Variants in AMHR2 observed in about 807,000 individuals in gnomAD.
The protein encoded by AMHR2 is anti-Mullerian hormone receptor type 2.
AMHR2 carries 36 observed loss-of-function variants against 61.4 expected under a neutral mutation model. The ratio of observed to expected loss-of-function variants is 0.59; its 90% CI spans 0.45 to 0.77. AMHR2 has a LOEUF of 0.77. AMHR2 is among the 30% of genes least tolerant of loss of function. AMHR2 has a pLI of 0.00. For synonymous variants in AMHR2, 258 were observed against 279.4 expected (o/e 0.92, Z 0.76); for missense variants, 638 against 714.6 (o/e 0.89, Z 1.22).
chr12:53,424,247 TCC>T lies in AMHR2; in HGVS notation c.50-39_50-38del, dbSNP rs763511811. The T allele has an allele frequency of 5.0e-6, 8 of 1,611,536 alleles. No individual in the cohort carries two copies. The East Asian group carries it at 1.8e-4, about 36-fold the overall frequency. ...GCCAGTTTTTTGCCTCTGCATTCAC[TCC>T]CACCTTGAATCTTTTCCTTTCCCCA... On this transcript the variant is annotated intron_variant, in intron 1 of 10. Coordinates refer to ENST00000257863, the MANE Select transcript of AMHR2 (RefSeq NM_020547.3).
At position 53,424,725 on chromosome 12, in the gene AMHR2, T is replaced by C. The variant is rs746378444; in HGVS notation, c.249T>C (p.Asp83=). Residue 83 remains aspartate (D), a synonymous_variant, in exon 3 of 11, where the codon GAT becomes GAC. Coordinates refer to ENST00000257863, the MANE Select transcript of AMHR2 (RefSeq NM_020547.3). ...QVEMQGCRDS[D]EPGCESLHCD... is the part of the protein sequence containing the mutation. ...TCCCATCAGGATGCCGAGACAGTGA[T>C]GAGCCAGGCTGTGAGTCCCTCCACT... The C allele has an allele frequency of 6.2e-7, 1 of 1,613,638 alleles. No homozygotes were observed. The highest frequency in any genetic ancestry group is 8.5e-7 in the Non-Finnish European group (1 of 1,179,830).
chr12:53,425,325 C>A, intron 4 of AMHR2, 83 bp downstream of exon 4: 1 of 1,607,344 alleles, frequency 6.2e-7, no homozygotes, highest in Non-Finnish European at 8.5e-7. Flanking sequence ...CCCCTGACCC[C>A]ATGGTCTTGG....
rs115737603 is a variant in AMHR2 at position 53,424,443 on chromosome 12, C to A, written c.205C>A (p.Gln69Lys). The change falls in exon 2 of 11, where the codon CAA (glutamine) becomes AAA (lysine). Residue 69 changes from glutamine to lysine, a missense_variant. By Grantham distance (53) the Gln-to-Lys change is moderately conservative. Coordinates refer to ENST00000257863, the MANE Select transcript of AMHR2 (RefSeq NM_020547.3). ...CTGCTTTGGGATCTGGAACCTGACCCAAGACCGGGCACAGGTGGAAATGCA... is the reference window on the plus strand; with the variant it reads ...CTGCTTTGGGATCTGGAACCTGACCAAAGACCGGGCACAGGTGGAAATGCA... Reference protein sequence around the residue: ...RCCFGIWNLTQDRAQVEMQGC... With the variant: ...RCCFGIWNLTKDRAQVEMQGC... 6.2e-7 allele frequency: 1 copy of A among 1,613,454 alleles called. No individual in the cohort carries two copies. Among genetic ancestry groups the A allele is most frequent in the Non-Finnish European group, 8.5e-7 (1 of 1,179,786 alleles).
chr12:53,427,506 A>G (rs1028842220), intron 6 of AMHR2, among the ~76,000 whole-genome samples: 1 of 152,142 alleles, frequency 6.6e-6, no homozygotes, highest in Non-Finnish European at 1.5e-5. Flanking sequence ...CCTGGTTTCA[A>G]GCAATTCTGC....
At position 53,424,132 on chromosome 12, in the gene AMHR2, T is replaced by A. The variant is rs2272002; in HGVS notation, c.49+149T>A. ...GAGCCATGTGTCCCCATGGCAGGGC[T>A]CAGGTTCCAGGCCTCTGCTGACCCT... On this transcript the variant is annotated intron_variant, in intron 1 of 10. Coordinates refer to ENST00000257863, the MANE Select transcript of AMHR2 (RefSeq NM_020547.3). 0.14 allele frequency: 176,867 copies of A among 1,305,880 alleles called. 13,239 individuals carry two copies. Among genetic ancestry groups the A allele is most frequent in the Non-Finnish European group, 0.16 (141,657 of 911,760 alleles). 80.9% of individuals were successfully genotyped at this position (1,305,880 alleles called of 1,614,324 possible).
intron 10 of AMHR2, 137 bp from the exon 11 acceptor site, chr12:53,431,040 G>T: frequency 9.0e-7 from 1 of 1,108,610 alleles, no homozygotes; most frequent in African/African-American, 1.5e-5. Flanking sequence ...TCAGCAAGAG[G>T]GAGAGGAGGG....
chr12:53,427,582 T>C (rs927910397), intron 6 of AMHR2, among the ~76,000 whole-genome samples: 1 of 152,152 alleles, frequency 6.6e-6, no homozygotes, highest in Non-Finnish European at 1.5e-5. Context: ...TTTGTATTTT[T>C]AGTAGAGACG....
chr12:53,425,834 A>G lies in AMHR2; in HGVS notation c.767A>G (p.His256Arg). ...LYELPGLQHDHIVRFITASRG... is the reference protein window; with the variant it reads ...LYELPGLQHDRIVRFITASRG... ...GAACTTCCAGGCCTACAGCACGACC[A>G]CATTGTCCGATTTATCACTGCCAGC... Residue 256 changes from histidine (H) to arginine (R), a missense_variant, in exon 6 of 11, where the codon CAC (histidine) becomes CGC (arginine). Coordinates refer to ENST00000257863, the MANE Select transcript of AMHR2 (RefSeq NM_020547.3). 28 of 1,614,070 alleles carry G rather than the reference A, an allele frequency of 1.7e-5. No homozygotes were observed. Among genetic ancestry groups the G allele is most frequent in the Non-Finnish European group, 2.4e-5 (28 of 1,180,012 alleles).
intron 7 of AMHR2, among the ~76,000 whole-genome samples, 178 bp from the exon 8 acceptor site, chr12:53,429,275 C>A (rs1361654188): frequency 6.6e-6 from 1 of 151,884 alleles, no homozygotes; most frequent in African/African-American, 2.4e-5. Context: ...GCCTGTAGTC[C>A]CAGCTACTCG....
At chr12:53,425,953 T>C in intron 6 of AMHR2, 34 bp downstream of exon 6, 4 of 1,582,150 alleles carry the variant, frequency 2.5e-6, no homozygotes, top group African/African-American at 2.7e-5. Context: ...TGTGTGTGTG[T>C]GCCTGTGTGT....
chr12:53,430,389 T>G, intron 10 of AMHR2, 107 bp downstream of exon 10: 2 of 1,556,574 alleles, frequency 1.3e-6, no homozygotes, highest in South Asian at 2.2e-5. Flanking sequence ...TCCACTTATC[T>G]CCCATCACTC....
At chr12:53,429,379 G>A (rs1004620511) in intron 7 of AMHR2, 74 bp from the exon 8 acceptor site, 7 of 1,494,826 alleles carry the variant, frequency 4.7e-6, no homozygotes, top group African/African-American at 1.4e-5. Flanking sequence ...GCGACAGAGC[G>A]AGACGCCGAC....
rs1939405030 is a variant in AMHR2, at chr12:53,424,851, T to TCCAGGGAGCCCTGGGACTCCTGGCTC, written c.382_407dup (p.Pro137AlafsTer81). 3.1e-6 allele frequency: 5 copies of TCCAGGGAGCCCTGGGACTCCTGGCTC among 1,613,668 alleles called. No individual in the cohort carries two copies. The highest frequency in any genetic ancestry group is 4.2e-6 in the Non-Finnish European group (5 of 1,180,000). On this transcript the variant is annotated frameshift_variant, in exon 3 of 11. Transcript: ENST00000257863. LOFTEE classifies it high-confidence loss of function. ...ATGCCAATTACAGCCATCTGCCTCC[T>TCCAGGGAGCCCTGGGACTCCTGGCTC]CCAGGGAGCCCTGGGACTCCTGGCT... is the stretch of plus-strand genomic sequence containing the variant.
In AMHR2 at chr12:53,424,431, T is replaced by C. The variant is rs1438736257; in HGVS notation, c.193T>C (p.Trp65Arg). 1 of 1,613,654 alleles carries C rather than the reference T, an allele frequency of 6.2e-7. No homozygotes were observed. Among genetic ancestry groups the C allele is most frequent in the Non-Finnish European group, 8.5e-7 (1 of 1,179,878 alleles). ...CLYSRCCFGI[W>R]NLTQDRAQVE... ...CTACAGCCGCTGCTGCTTTGGGATC[T>C]GGAACCTGACCCAAGACCGGGCACA... The change falls in exon 2 of 11, where the codon TGG (tryptophan) becomes CGG (arginine). Residue 65 changes from tryptophan to arginine, a missense_variant. Physicochemically the swap from Trp to Arg is moderately radical, Grantham distance 101. Transcript: ENST00000257863.
intron 7 of AMHR2, among the ~76,000 whole-genome samples, chr12:53,429,236 C>T (rs375146642): frequency 1.3e-5 from 2 of 152,038 alleles, no homozygotes; most frequent in Non-Finnish European, 2.9e-5. Flanking sequence ...ATTAAAAATA[C>T]AAAATATTAG....
chr12:53,429,714 T>C, intron 8 of AMHR2, 89 bp downstream of exon 8: 1 of 1,599,180 alleles, frequency 6.3e-7, no homozygotes, highest in Non-Finnish European at 8.5e-7. Context: ...GTTGTAGCAA[T>C]ACCTATAGCA....
chr12:53,427,973 A>G (rs1431457363), intron 6 of AMHR2, among the ~76,000 whole-genome samples: 1 of 152,172 alleles, frequency 6.6e-6, no homozygotes, highest in Non-Finnish European at 1.5e-5. Context: ...CAGAGCCCAA[A>G]TGCAGTGGCT....
chr12:53,424,902 T>G lies in AMHR2; in HGVS notation c.424+2T>G, dbSNP rs1240064467. ...CCCAGGGTCCCCAGGCTGCCCCAGG[T>G]AGCCACCCAAGGGTACTGAAGCCTG... On this transcript the variant is annotated splice_donor_variant, in intron 3 of 10. Transcript: ENST00000257863. LOFTEE classifies it high-confidence loss of function. 6.2e-7 allele frequency: 1 copy of G among 1,610,046 alleles called. No individual in the cohort carries two copies.
In AMHR2 at chr12:53,424,711, T is replaced by C. The variant is rs747774459; in HGVS notation, c.235T>C (p.Cys79Arg). 8 of 1,613,562 alleles carry C rather than the reference T, an allele frequency of 5.0e-6. No individual in the cohort carries two copies. In the South Asian group the frequency reaches 8.8e-5, roughly 18 times the overall value. ...TTCCCCTAATCCCATCCCATCAGGA[T>C]GCCGAGACAGTGATGAGCCAGGCTG... ...QDRAQVEMQG[C>R]RDSDEPGCES... Residue 79 changes from cysteine to arginine, a missense_variant and splice_region_variant, in exon 3 of 11, where the codon TGC (cysteine) becomes CGC (arginine). Transcript: ENST00000257863.
Sources: gnomAD v4.1 joint callset for allele counts (sites outside exome capture counted in the v4.1 genomes callset) on GRCh38, gnomAD v4.1.1 for gene constraint, MANE v1.5 for transcripts, NCBI Gene and HGNC (gene_info 2026-07-23, HGNC 2026-07-21) for gene names.